The following XKR6 variants were observed in gnomAD, a reference collection of about 807,000 sequenced individuals.
XKR6 encodes the protein XK related 6.
XKR6 carries 22 observed loss-of-function variants against 56.7 expected under a neutral mutation model. The ratio of observed to expected loss-of-function variants is 0.39; its 90% CI spans 0.28 to 0.55. The LOEUF is 0.55. Among genes scored for constraint, XKR6 ranks in the 20% least tolerant of loss-of-function variants. XKR6 has a pLI of 0.66. For synonymous variants in XKR6, 524 were observed against 387.8 expected (o/e 1.35, Z -4.13); for missense variants, 852 against 889.0 (o/e 0.96, Z 0.53).
At chr8:10,971,400 G>A (rs1489646708) in intron 1 of XKR6, among the ~76,000 whole-genome samples, 1 of 151,970 alleles carries the variant, frequency 6.6e-6, no homozygotes, top group Non-Finnish European at 1.5e-5. Flanking sequence ...CAGCCTGGGT[G>A]ACAGAGCGAG....
intron 1 of XKR6, among the ~76,000 whole-genome samples, chr8:11,164,119 C>A (rs11995739): frequency 0.023 from 3,539 of 152,318 alleles, 154 homozygotes; most frequent in African/African-American, 0.079. Context: ...CTACCCACTT[C>A]CCTTCTGGGT....
At chr8:10,938,106 C>A (rs974917722) in intron 1 of XKR6, among the ~76,000 whole-genome samples, 1 of 152,154 alleles carries the variant, frequency 6.6e-6, no homozygotes, top group African/African-American at 2.4e-5. Flanking sequence ...TCTCGTGATG[C>A]GCCGTTTTTT....
At chr8:11,015,661 C>G (rs1048058572) in intron 1 of XKR6, among the ~76,000 whole-genome samples, 6 of 152,142 alleles carry the variant, frequency 3.9e-5, no homozygotes, top group Non-Finnish European at 7.4e-5. Flanking sequence ...CCAGCGCCCC[C>G]CAGGCCCTCC....
chr8:11,050,493 G>C (rs2129159510), intron 1 of XKR6, among the ~76,000 whole-genome samples: 1 of 151,242 alleles, frequency 6.6e-6, no homozygotes, highest in African/African-American at 2.4e-5. Context: ...AACATTTTTA[G>C]GTCCCCAGCC....
At chr8:11,142,695 G>A (rs999249251) in intron 1 of XKR6, among the ~76,000 whole-genome samples, 1 of 152,194 alleles carries the variant, frequency 6.6e-6, no homozygotes, top group Non-Finnish European at 1.5e-5. Flanking sequence ...ACCAGAAGCA[G>A]AAGCTGGTGC....
intron 1 of XKR6, among the ~76,000 whole-genome samples, chr8:11,087,134 T>G (rs1236740516): frequency 6.6e-6 from 1 of 152,230 alleles, no homozygotes; most frequent in African/African-American, 2.4e-5. Context: ...TCTACAAGTC[T>G]TCCTCTATAG....
At chr8:11,088,477 C>G (rs1452920293) in intron 1 of XKR6, among the ~76,000 whole-genome samples, 1 of 152,114 alleles carries the variant, frequency 6.6e-6, no homozygotes, top group Non-Finnish European at 1.5e-5. Flanking sequence ...AGCGCAATGT[C>G]CCTAGAGAGG....
intron 1 of XKR6, among the ~76,000 whole-genome samples, chr8:11,083,197 T>C (rs1182381258): frequency 6.6e-6 from 1 of 152,174 alleles, no homozygotes; most frequent in Non-Finnish European, 1.5e-5. Context: ...CACACTGCCA[T>C]TATCCACCAC....
intron 1 of XKR6, among the ~76,000 whole-genome samples, chr8:11,140,637 C>A (rs1449819636): frequency 6.6e-6 from 1 of 152,134 alleles, no homozygotes; most frequent in African/African-American, 2.4e-5. Flanking sequence ...GTGGCTCACA[C>A]CTGTAATCCC....
intron 1 of XKR6, among the ~76,000 whole-genome samples, chr8:10,954,861 A>ATTTTTTTTTTTTTTT (rs1236859844): frequency 1.4e-5 from 1 of 69,714 alleles, no homozygotes; most frequent in South Asian, 3.8e-4. Flanking sequence ...GTCTAACTTC[A>ATTTTTTTTTTTTTTT]TTCTCTTTTT....
intron 1 of XKR6, among the ~76,000 whole-genome samples, chr8:11,184,404 C>G (rs1366240972): frequency 6.6e-6 from 1 of 150,968 alleles, no homozygotes; most frequent in Non-Finnish European, 1.5e-5. Flanking sequence ...CACACACACA[C>G]ACACACACAC....
chr8:11,144,478 G>C (rs1158349450), intron 1 of XKR6, among the ~76,000 whole-genome samples: 1 of 151,850 alleles, frequency 6.6e-6, no homozygotes, highest in Non-Finnish European at 1.5e-5. Flanking sequence ...AGGAAGTTCA[G>C]GAAATGAAAG....
chr8:11,154,842 A>C (rs961084944), intron 1 of XKR6, among the ~76,000 whole-genome samples: 8 of 152,178 alleles, frequency 5.3e-5, no homozygotes, highest in African/African-American at 1.9e-4. Context: ...CTTTCCATTG[A>C]CTGCCTCTAC....
intron 1 of XKR6, among the ~76,000 whole-genome samples, chr8:10,946,710 G>A (rs993054803): frequency 2.0e-5 from 3 of 152,100 alleles, no homozygotes; most frequent in South Asian, 2.1e-4. Flanking sequence ...GCCAGGCACT[G>A]GGGTAGGCAC....
At chr8:10,990,225 G>A (rs1211651447) in intron 1 of XKR6, among the ~76,000 whole-genome samples, 1 of 152,246 alleles carries the variant, frequency 6.6e-6, no homozygotes, top group Non-Finnish European at 1.5e-5. Flanking sequence ...ACGTGCTCTA[G>A]TACAAACGCG....
intron 1 of XKR6, among the ~76,000 whole-genome samples, chr8:10,929,184 CTT>C (rs1222005886): frequency 6.6e-6 from 1 of 152,226 alleles, no homozygotes; most frequent in Admixed American, 6.5e-5. Context: ...GGCCTAGCAT[CTT>C]TATAAACAAT....
At chr8:11,020,161 G>A (rs1387741823) in intron 1 of XKR6, among the ~76,000 whole-genome samples, 3 of 152,112 alleles carry the variant, frequency 2.0e-5, no homozygotes, top group Non-Finnish European at 4.4e-5. Context: ...GGACTTACAG[G>A]GCAGGCATAG....
intron 1 of XKR6, among the ~76,000 whole-genome samples, chr8:10,986,581 A>G (rs1030200259): frequency 7.9e-5 from 12 of 152,300 alleles, no homozygotes; most frequent in African/African-American, 2.9e-4. Flanking sequence ...TTTGAGCAAG[A>G]AAAAAGTGTG....
intron 1 of XKR6, among the ~76,000 whole-genome samples, chr8:10,969,653 G>C (rs1303907825): frequency 6.6e-6 from 1 of 152,222 alleles, no homozygotes; most frequent in Admixed American, 6.5e-5. Flanking sequence ...AACTGTTGGA[G>C]CACAGCCTAG....
Sources: gnomAD v4.1 joint callset for allele counts (sites outside exome capture counted in the v4.1 genomes callset) on GRCh38, gnomAD v4.1.1 for gene constraint, MANE v1.5 for transcripts, NCBI Gene and HGNC (gene_info 2026-07-23, HGNC 2026-07-21) for gene names.